The following SOX5 variants were observed in gnomAD, a reference collection of about 807,000 sequenced individuals.
The protein encoded by SOX5 is transcription factor SOX-5.
A neutral mutation model predicts 92.0 loss-of-function variants in SOX5; 9 were observed. The ratio of observed to expected loss-of-function variants is 0.10; its 90% CI spans 0.06 to 0.17. The LOEUF (loss-of-function observed/expected upper bound fraction) is 0.17. Ranked by LOEUF, SOX5 falls within the 10% of genes least tolerant of loss-of-function variation. The pLI is 1.00. For missense variants in SOX5, 642 were observed against 944.5 expected (o/e 0.68, Z 4.20); for synonymous variants, 344 against 336.3 (o/e 1.02, Z -0.25).
At chr12:23,742,480 G>A (rs1037457012) in intron 4 of SOX5, among the ~76,000 whole-genome samples, 2 of 151,932 alleles carry the variant, frequency 1.3e-5, no homozygotes, top group Non-Finnish European at 2.9e-5. Flanking sequence ...ATGAATAATA[G>A]CCACATGACT....
At chr12:23,973,260 C>G (rs1257002023) in intron 4 of SOX5, among the ~76,000 whole-genome samples, 3 of 147,834 alleles carry the variant, frequency 2.0e-5, no homozygotes, top group Non-Finnish European at 3.0e-5. Context: ...CTCCTGGGTT[C>G]AAGTGACTTC....
At chr12:24,229,964 T>C (rs1246740844) in intron 3 of SOX5, among the ~76,000 whole-genome samples, 1 of 152,176 alleles carries the variant, frequency 6.6e-6, no homozygotes, top group Non-Finnish European at 1.5e-5. Flanking sequence ...AGTTCCCCTA[T>C]CTTGTTTTTT....
intron 4 of SOX5, among the ~76,000 whole-genome samples, chr12:23,957,485 G>A (rs527515115): frequency 3.3e-5 from 5 of 152,292 alleles, no homozygotes; most frequent in East Asian, 1.9e-4. Context: ...TGTGATTGGC[G>A]TAGGGGGGAA....
chr12:23,983,289 C>T (rs1383254128), intron 4 of SOX5, among the ~76,000 whole-genome samples: 7 of 152,104 alleles, frequency 4.6e-5, no homozygotes, highest in Non-Finnish European at 1.0e-4. Flanking sequence ...TGAATGTTAA[C>T]CTTCCTGAGT....
At chr12:23,858,269 T>C (rs1243994863) in intron 2 of SOX5, among the ~76,000 whole-genome samples, 2 of 152,062 alleles carry the variant, frequency 1.3e-5, no homozygotes, top group Admixed American at 6.6e-5. Flanking sequence ...ACCTACAGAA[T>C]GGGAGAAAAT....
chr12:24,289,263 A>G (rs1373135448), intron 2 of SOX5, among the ~76,000 whole-genome samples: 1 of 146,578 alleles, frequency 6.8e-6, no homozygotes, highest in Non-Finnish European at 1.5e-5. Flanking sequence ...CCTGGGTGAC[A>G]CGGTGAGAAC....
intron 2 of SOX5, chr12:24,331,231 C>T (rs1951268367): frequency 6.6e-6 from 1 of 152,184 alleles, no homozygotes; most frequent in Non-Finnish European, 1.5e-5. Flanking sequence ...GTGAAGTCTT[C>T]CCCATTTGAC....
At chr12:23,820,329 T>G (rs1055190616) in intron 3 of SOX5, among the ~76,000 whole-genome samples, 11 of 152,254 alleles carry the variant, frequency 7.2e-5, no homozygotes, top group African/African-American at 2.7e-4. Context: ...ATTAGCCCTT[T>G]GTCAGATGGA....
chr12:23,721,358 T>G (rs954077251), intron 6 of SOX5, among the ~76,000 whole-genome samples: 3 of 152,184 alleles, frequency 2.0e-5, no homozygotes, highest in Admixed American at 6.5e-5. Context: ...GCGCTGGGAT[T>G]ACAGGCATGA....
intron 2 of SOX5, among the ~76,000 whole-genome samples, chr12:24,344,281 C>CAAAAAAAA (rs61660537): frequency 3.3e-4 from 34 of 104,314 alleles, no homozygotes; most frequent in African/African-American, 1.2e-3. Flanking sequence ...GACTCTGTCT[C>CAAAAAAAA]AAAAAAAAAA....
chr12:24,183,885 A>G (rs1565608462), intron 4 of SOX5, among the ~76,000 whole-genome samples: 1 of 152,218 alleles, frequency 6.6e-6, no homozygotes, highest in South Asian at 2.1e-4. Flanking sequence ...AGACATTGAT[A>G]GTACCTACTC....
chr12:24,429,623 CAT>C (rs1176759484), intron 1 of SOX5, among the ~76,000 whole-genome samples: 6 of 146,870 alleles, frequency 4.1e-5, no homozygotes, highest in South Asian at 4.2e-4. Context: ...CACACACACA[CAT>C]ACACACACAC....
At chr12:24,377,672 T>C (rs1376947184) in intron 1 of SOX5, among the ~76,000 whole-genome samples, 3 of 152,178 alleles carry the variant, frequency 2.0e-5, no homozygotes, top group Non-Finnish European at 4.4e-5. Context: ...TCCTAATACA[T>C]ATTTTTGGAA....
intron 4 of SOX5, among the ~76,000 whole-genome samples, chr12:24,071,703 G>A (rs1483152217): frequency 5.3e-5 from 8 of 152,074 alleles, no homozygotes; most frequent in African/African-American, 1.9e-4. Context: ...CAAAGTGCTG[G>A]GATTACAGGC....
chr12:23,647,184 T>C (rs1405818254), intron 7 of SOX5, among the ~76,000 whole-genome samples: 1 of 152,210 alleles, frequency 6.6e-6, no homozygotes, highest in Admixed American at 6.5e-5. Context: ...CATCTCCTTG[T>C]ACACCACCAT....
chr12:23,629,623 C>A (rs1320492075), intron 8 of SOX5, among the ~76,000 whole-genome samples: 1 of 152,038 alleles, frequency 6.6e-6, no homozygotes, highest in African/African-American at 2.4e-5. Context: ...CTTGAACATA[C>A]TTGGAGTCCG....
chr12:23,990,884 A>G (rs1950492881), intron 4 of SOX5, among the ~76,000 whole-genome samples: 1 of 152,146 alleles, frequency 6.6e-6, no homozygotes, highest in Non-Finnish European at 1.5e-5. Context: ...AAGATGCTAC[A>G]CAATAGAAAG....
chr12:23,986,901 C>A (rs1490030750), intron 4 of SOX5, among the ~76,000 whole-genome samples: 1 of 152,094 alleles, frequency 6.6e-6, no homozygotes, highest in African/African-American at 2.4e-5. Context: ...TAAAATTCTA[C>A]TTCAAATTGC....
At chr12:24,049,642 T>G (rs962038911) in intron 4 of SOX5, among the ~76,000 whole-genome samples, 57 of 9,030 alleles carry the variant, frequency 6.3e-3, no homozygotes, top group Non-Finnish European at 0.042. Context: ...TTCATAGTTT[T>G]TTTTTTTTTT....
Sources: allele counts gnomAD v4.1 joint callset (sites outside exome capture counted in the v4.1 genomes callset), GRCh38; gene constraint gnomAD v4.1.1; transcripts MANE v1.5; gene names NCBI Gene and HGNC (gene_info 2026-07-23, HGNC 2026-07-21).